The following CENPP variants were observed in gnomAD, a reference collection of about 807,000 sequenced individuals.
CENPP encodes the protein centromere protein P.
In CENPP, 24 loss-of-function variants were observed where a neutral mutation model predicts 35.6. The observed-to-expected ratio is 0.67, with a 90% confidence interval of 0.49 to 0.95. The LOEUF is 0.95. Ranked by LOEUF, CENPP falls within the 40% of genes least tolerant of loss-of-function variation. The pLI, the probability that CENPP is intolerant of heterozygous loss-of-function variation, is 0.00. For missense variants in CENPP, 332 were observed against 345.3 expected, an observed-to-expected ratio of 0.96 and a Z score of 0.31; for synonymous variants, 120 against 125.5, an observed-to-expected ratio of 0.96 and a Z score of 0.29.
intron 5 of CENPP, among the ~76,000 whole-genome samples, chr9:92,604,903 A>G (rs1426198998): frequency 6.6e-6 from 1 of 152,020 alleles, no homozygotes; most frequent in Non-Finnish European, 1.5e-5. Flanking sequence ...CTGCATTTTT[A>G]TTTAAGAAAT....
Position 92,618,529 on chromosome 9 carries a change from G to A in CENPP, c.*5380G>A, listed in dbSNP as rs1447453228. On this transcript the variant is annotated 3_prime_UTR_variant, in exon 8 of 8. Transcript: ENST00000375587. ...CCATTGCCCAGCTGCATCCTTGGTCGGGGGGCTGCTGAACAGTGGTATCTT... is the reference window on the plus strand; with the variant it reads ...CCATTGCCCAGCTGCATCCTTGGTCAGGGGGCTGCTGAACAGTGGTATCTT... 4 of 453,812 alleles carry A rather than the reference G, an allele frequency of 8.8e-6. No homozygotes were observed. The highest frequency in any genetic ancestry group is 3.1e-5 in the South Asian group (2 of 64,064). The allele number at this position is 453,812 out of a possible 1,614,324, so 28.1% of individuals were successfully genotyped here.
chr9:92,474,941 G>A, intron 5 of CENPP: 1 of 1,527,596 alleles, frequency 6.5e-7, no homozygotes, highest in Non-Finnish European at 8.7e-7. Context: ...AACAGACATG[G>A]GATATTAAAT....
At chr9:92,421,755 CCATAGT>C (rs1422108984) in intron 5 of CENPP, among the ~76,000 whole-genome samples, 6 of 152,114 alleles carry the variant, frequency 3.9e-5, no homozygotes, top group Admixed American at 3.3e-4. Flanking sequence ...AGACGTGAAG[CCATAGT>C]CCCTTCTGTA....
At chr9:92,536,866 T>A (rs1041747630) in intron 5 of CENPP, among the ~76,000 whole-genome samples, 82 of 139,614 alleles carry the variant, frequency 5.9e-4, no homozygotes, top group Non-Finnish European at 4.1e-4. Flanking sequence ...AACTATTTTT[T>A]AAATTTTTTT....
At chr9:92,481,567 T>G (rs1009584977) in intron 5 of CENPP, among the ~76,000 whole-genome samples, 1 of 152,208 alleles carries the variant, frequency 6.6e-6, no homozygotes, top group Non-Finnish European at 1.5e-5. Context: ...CTTAAATTTT[T>G]TAATCTAAAA....
At chr9:92,420,912 TGAG>T (rs1383378099) in intron 5 of CENPP, among the ~76,000 whole-genome samples, 2 of 152,102 alleles carry the variant, frequency 1.3e-5, no homozygotes, top group Admixed American at 6.6e-5. Context: ...TAGAGGGAAG[TGAG>T]GAAGAAGATC....
rs145229361 is a variant in CENPP at position 92,364,867 on chromosome 9, A to G, written c.468-14896A>G. Among the ~76,000 whole-genome samples, 1,244 of 152,316 alleles carry G rather than the reference A, an allele frequency of 8.2e-3. 7 individuals carry two copies. Among genetic ancestry groups the G allele is most frequent in the Non-Finnish European group, 0.013 (864 of 68,016 alleles). ...TCTACTCTAGGGGAGAGGGAGGGATAGTATTAGCCCCAGGTAACCTAGGAG... is the reference window on the plus strand; with the variant it reads ...TCTACTCTAGGGGAGAGGGAGGGATGGTATTAGCCCCAGGTAACCTAGGAG... On this transcript the variant is annotated intron_variant, in intron 4 of 7. Transcript: ENST00000375587.
chr9:92,618,768 C>T lies in CENPP; in HGVS notation c.*5619C>T. On this transcript the variant is annotated 3_prime_UTR_variant, in exon 8 of 8. Coordinates refer to ENST00000375587, the MANE Select transcript of CENPP (RefSeq NM_001012267.3). ...TGCCAGGGAACAGGAATCCTGGGAA[C>T]TGTTTAGTTCAAAAGCACCGGGAAA... 1 of 356,438 alleles carries T rather than the reference C, an allele frequency of 2.8e-6. No homozygotes were observed. The highest frequency in any genetic ancestry group is 5.5e-6 in the Non-Finnish European group (1 of 181,016). The allele number at this position is 356,438 out of a possible 1,614,324, so 22.1% of individuals were successfully genotyped here.
At chr9:92,457,449 C>T (rs1844918113) in intron 5 of CENPP, 4 of 1,612,782 alleles carry the variant, frequency 2.5e-6, no homozygotes, top group Non-Finnish European at 3.4e-6. Context: ...TCATTTACTC[C>T]CACTCTTGCA....
intron 4 of CENPP, among the ~76,000 whole-genome samples, chr9:92,363,789 G>C (rs763623024): frequency 6.6e-6 from 1 of 151,456 alleles, no homozygotes; most frequent in Non-Finnish European, 1.5e-5. Context: ...GAGAAACTTG[G>C]CTCCTAGAAA....
In CENPP at chr9:92,611,357, C is replaced by G. The variant is rs746847308; in HGVS notation, c.608C>G (p.Ser203Cys). The part of the protein sequence containing the change: ...DAVYLSEGPS[S>C]CSMGIRSASR... ...GTGTACCTCTCGGAGGGGCCCTCCT[C>G]CTGCTCCATGGGGATCCGCAGCGCC... The change falls in exon 6 of 8, where the codon TCC becomes TGC. Residue 203 changes from serine to cysteine, a missense_variant. Ser to Cys is a moderately radical substitution (Grantham distance 112). Coordinates refer to ENST00000375587, the MANE Select transcript of CENPP (RefSeq NM_001012267.3). 1 of 1,613,616 alleles carries G rather than the reference C, an allele frequency of 6.2e-7. No homozygotes were observed. Among genetic ancestry groups the G allele is most frequent in the South Asian group, 1.1e-5 (1 of 91,068 alleles).
At chr9:92,548,518 A>G (rs988505369) in intron 5 of CENPP, among the ~76,000 whole-genome samples, 1 of 152,356 alleles carries the variant, frequency 6.6e-6, no homozygotes, top group African/African-American at 2.4e-5. Context: ...AATGTAGTAC[A>G]TCAACTATCA....
chr9:92,350,014 TATTCCCACCAGTA>T (rs968859109), intron 4 of CENPP, among the ~76,000 whole-genome samples: 1 of 152,228 alleles, frequency 6.6e-6, no homozygotes, highest in Non-Finnish European at 1.5e-5. Context: ...TACTGTTTTG[TATTCCCACCAGTA>T]ATGTGTGAGA....
chr9:92,587,928 C>T (rs1850578791), intron 5 of CENPP, among the ~76,000 whole-genome samples: 1 of 152,092 alleles, frequency 6.6e-6, no homozygotes, highest in South Asian at 2.1e-4. Context: ...GAGTTCAAGA[C>T]CAGACTGGCC....
chr9:92,395,975 A>T (rs537754006), intron 5 of CENPP, among the ~76,000 whole-genome samples: 19 of 151,404 alleles, frequency 1.3e-4, no homozygotes, highest in African/African-American at 4.4e-4. Flanking sequence ...TTTCTTCTAG[A>T]AGTTGTATAG....
At position 92,345,728 on chromosome 9, in the gene CENPP, T is replaced by G. The variant is rs368777467; in HGVS notation, c.408T>G (p.Thr136=). ...QNKERLSSAV[T]DLNIIMEPTE... The stretch of plus-strand genomic sequence containing the variant: ...AGGAGAGATTATCTTCTGCTGTTAC[T>G]GACCTCAACATAATAATGGAGCCCA... Residue 136 remains threonine (T), a synonymous_variant, in exon 4 of 8, where the codon ACT becomes ACG. Coordinates refer to ENST00000375587, the MANE Select transcript of CENPP (RefSeq NM_001012267.3). 1 of 1,597,758 alleles carries G rather than the reference T, an allele frequency of 6.3e-7. No individual in the cohort carries two copies. The highest frequency in any genetic ancestry group is 8.6e-7 in the Non-Finnish European group (1 of 1,166,386).
At chr9:92,562,201 T>A (rs1213326265) in intron 5 of CENPP, among the ~76,000 whole-genome samples, 6 of 148,850 alleles carry the variant, frequency 4.0e-5, no homozygotes, top group Non-Finnish European at 5.9e-5. Context: ...TTCTTTTTTT[T>A]CTTTTCTTTT....
At chr9:92,354,465 A>G (rs1183144560) in intron 4 of CENPP, among the ~76,000 whole-genome samples, 1 of 152,138 alleles carries the variant, frequency 6.6e-6, no homozygotes, top group Non-Finnish European at 1.5e-5. Flanking sequence ...GAGCAATGAT[A>G]GGGGTGGCTG....
intron 5 of CENPP, chr9:92,415,059 A>G: frequency 1.0e-6 from 1 of 958,488 alleles, no homozygotes; most frequent in Non-Finnish European, 1.5e-6. Flanking sequence ...ATAATTCTAA[A>G]TATATTACTT....
Sources: allele counts gnomAD v4.1 joint callset (sites outside exome capture counted in the v4.1 genomes callset), GRCh38; gene constraint gnomAD v4.1.1; transcripts MANE v1.5; gene names NCBI Gene and HGNC (gene_info 2026-07-23, HGNC 2026-07-21).